Variants in TMEM178B observed in about 807,000 individuals in gnomAD.
The protein encoded by TMEM178B is transmembrane protein 178B.
Under a neutral mutation model 31.0 loss-of-function variants are expected in TMEM178B, and 5 were observed. The ratio of observed to expected loss-of-function variants is 0.16; its 90% CI spans 0.08 to 0.34. The LOEUF is 0.34. TMEM178B is among the 10% of genes least tolerant of loss of function. The pLI is 1.00. For missense variants in TMEM178B, 275 were observed against 400.3 expected (o/e 0.69, Z 2.67); for synonymous variants, 164 against 164.0 (o/e 1.00, Z 0.00).
intron 2 of TMEM178B, among the ~76,000 whole-genome samples, chr7:141,411,165 G>C (rs977520508): frequency 3.3e-5 from 5 of 151,668 alleles, no homozygotes; most frequent in Non-Finnish European, 2.9e-5. Flanking sequence ...TGAATGCGTA[G>C]AGAAATTAGA....
intron 1 of TMEM178B, among the ~76,000 whole-genome samples, chr7:141,166,957 C>T (rs370017524): frequency 6.6e-6 from 1 of 152,128 alleles, no homozygotes; most frequent in African/African-American, 2.4e-5. Flanking sequence ...AGACGGTTTC[C>T]TCTCAGTCTC....
chr7:141,504,574 T>C, the TMEM178B span, among the ~76,000 whole-genome samples: 3 of 152,236 alleles, frequency 2.0e-5, no homozygotes, highest in Non-Finnish European at 4.4e-5. Flanking sequence ...CTCCTCAAAA[T>C]GTTCTAATGT....
intron 2 of TMEM178B, among the ~76,000 whole-genome samples, chr7:141,286,795 A>C (rs1798455084): frequency 6.6e-6 from 1 of 152,184 alleles, no homozygotes; most frequent in Non-Finnish European, 1.5e-5. Flanking sequence ...ATTAATCTGT[A>C]CAGAACATTG....
chr7:141,498,244 C>T, the TMEM178B span, among the ~76,000 whole-genome samples: 1 of 152,214 alleles, frequency 6.6e-6, no homozygotes, highest in African/African-American at 2.4e-5. Flanking sequence ...CCAAGGCTTA[C>T]ATTCTGAACA....
At chr7:141,207,162 A>G (rs371487207) in intron 1 of TMEM178B, among the ~76,000 whole-genome samples, 1 of 152,252 alleles carries the variant, frequency 6.6e-6, no homozygotes, top group African/African-American at 2.4e-5. Context: ...GCAATATTGC[A>G]TATCGCATGG....
intron 2 of TMEM178B, among the ~76,000 whole-genome samples, chr7:141,244,651 G>A (rs561240892): frequency 6.6e-5 from 10 of 152,278 alleles, no homozygotes; most frequent in East Asian, 1.9e-4. Context: ...TGACAGGTCC[G>A]GCTGGAGATG....
At position 141,284,731 on chromosome 7, in the gene TMEM178B, G is replaced by A. The variant is rs539324037; in HGVS notation, c.496+72027G>A. Among the ~76,000 whole-genome samples, 5 of 152,276 alleles carry A rather than the reference G, an allele frequency of 3.3e-5. No homozygotes were observed. The South Asian group carries it at 1.0e-3, about 32-fold the overall frequency. The stretch of plus-strand genomic sequence containing the variant: ...AGTGAGGTTTGTTACACGAGTGAAT[G>A]ACCAACAACACTACTGTCTGTTCAA... On this transcript the variant is annotated intron_variant, in intron 2 of 3. Coordinates refer to ENST00000565468, the MANE Select transcript of TMEM178B (RefSeq NM_001195278.2).
At chr7:141,098,475 C>T (rs779287846) in intron 1 of TMEM178B, among the ~76,000 whole-genome samples, 2 of 152,202 alleles carry the variant, frequency 1.3e-5, no homozygotes, top group Admixed American at 1.3e-4. Flanking sequence ...TTTTAAGTAG[C>T]TTCTGTAGAG....
chr7:141,146,428 G>A (rs1795853308), intron 1 of TMEM178B, among the ~76,000 whole-genome samples: 1 of 152,216 alleles, frequency 6.6e-6, no homozygotes, highest in Admixed American at 6.5e-5. Context: ...CCTGGACTCT[G>A]ATAGCCTGGG....
chr7:141,191,085 A>C (rs1421013827), intron 1 of TMEM178B, among the ~76,000 whole-genome samples: 1 of 152,224 alleles, frequency 6.6e-6, no homozygotes. Context: ...GCTTAAAGCC[A>C]GTTTCCAGGA....
chr7:141,460,050 C>T (rs1802034912), intron 3 of TMEM178B, among the ~76,000 whole-genome samples: 1 of 152,120 alleles, frequency 6.6e-6, no homozygotes, highest in Non-Finnish European at 1.5e-5. Flanking sequence ...TCTGGCCACA[C>T]AGATATTCTT....
intron 2 of TMEM178B, among the ~76,000 whole-genome samples, chr7:141,220,817 C>T (rs536017957): frequency 6.4e-4 from 97 of 152,266 alleles, no homozygotes; most frequent in African/African-American, 2.0e-3. Context: ...CCCCACTGTC[C>T]GCCTTCATCC....
chr7:141,256,563 A>C (rs1304260129), intron 2 of TMEM178B, among the ~76,000 whole-genome samples: 3 of 152,212 alleles, frequency 2.0e-5, no homozygotes, highest in Non-Finnish European at 4.4e-5. Context: ...ACCTACAGCA[A>C]GATGAGCCTC....
chr7:141,235,446 T>G (rs1301288493), intron 2 of TMEM178B, among the ~76,000 whole-genome samples: 2 of 152,200 alleles, frequency 1.3e-5, no homozygotes, highest in South Asian at 2.1e-4. Flanking sequence ...AGAACAGAAT[T>G]TATAACCGTC....
chr7:141,377,254 G>T (rs999249375), intron 2 of TMEM178B, among the ~76,000 whole-genome samples: 1 of 151,618 alleles, frequency 6.6e-6, no homozygotes, highest in Admixed American at 6.6e-5. Context: ...AGCTATCTCG[G>T]CTCACTGCAA....
At chr7:141,498,901 A>G in the TMEM178B span, among the ~76,000 whole-genome samples, 2 of 152,224 alleles carry the variant, frequency 1.3e-5, no homozygotes, top group East Asian at 3.8e-4. Flanking sequence ...GATAAATAAG[A>G]TTGGAGATAG....
At chr7:141,374,095 G>A (rs1800167862) in intron 2 of TMEM178B, among the ~76,000 whole-genome samples, 1 of 152,172 alleles carries the variant, frequency 6.6e-6, no homozygotes, top group Non-Finnish European at 1.5e-5. Flanking sequence ...GGGAAGCCCT[G>A]AGCTGGGTCA....
intron 2 of TMEM178B, among the ~76,000 whole-genome samples, chr7:141,315,541 A>G (rs942856598): frequency 2.0e-5 from 3 of 152,190 alleles, no homozygotes; most frequent in Non-Finnish European, 4.4e-5. Context: ...CTATTTTCTC[A>G]TGAAACTTTC....
chr7:141,098,910 C>T (rs752273346), intron 1 of TMEM178B, among the ~76,000 whole-genome samples: 1 of 152,172 alleles, frequency 6.6e-6, no homozygotes, highest in Non-Finnish European at 1.5e-5. Flanking sequence ...ATGAAGTTTA[C>T]CCTTTTAATA....
Sources: gnomAD v4.1 joint callset for allele counts (sites outside exome capture counted in the v4.1 genomes callset) on GRCh38, gnomAD v4.1.1 for gene constraint, MANE v1.5 for transcripts, NCBI Gene and HGNC (gene_info 2026-07-23, HGNC 2026-07-21) for gene names.